Variants in PNPLA7 observed in about 807,000 individuals in gnomAD.
The protein encoded by PNPLA7 is patatin like domain 7, lysophospholipase.
PNPLA7 carries 153 observed loss-of-function variants against 161.7 expected under a neutral mutation model. The ratio of observed to expected loss-of-function variants is 0.95; its 90% CI spans 0.83 to 1.08. The LOEUF (loss-of-function observed/expected upper bound fraction) is 1.08. Among genes scored for constraint, PNPLA7 ranks in the 50% least tolerant of loss-of-function variants. PNPLA7 has a pLI of 0.00. For synonymous variants in PNPLA7, 809 were observed against 782.1 expected (o/e 1.03, Z -0.57); for missense variants, 1,739 against 1,856.6 (o/e 0.94, Z 1.16).
chr9:137,531,331 G>A (rs1299700070), intron 8 of PNPLA7, among the ~76,000 whole-genome samples: 1 of 152,178 alleles, frequency 6.6e-6, no homozygotes, highest in Non-Finnish European at 1.5e-5. Flanking sequence ...TAACAACTTA[G>A]CAGCTGTTGC....
At chr9:137,465,955 G>T (rs1218061977) in intron 26 of PNPLA7, among the ~76,000 whole-genome samples, 1 of 152,088 alleles carries the variant, frequency 6.6e-6, no homozygotes, top group Non-Finnish European at 1.5e-5. Context: ...TTCTGTATTT[G>T]GTATTCTGAT....
At position 137,500,947 on chromosome 9, in the gene PNPLA7, G is replaced by A. The variant is rs758073033; in HGVS notation, c.1552-51C>T. 274 of 1,505,616 alleles carry A rather than the reference G, an allele frequency of 1.8e-4. 1 individual carries two copies. Among genetic ancestry groups the A allele is most frequent in the Non-Finnish European group, 2.3e-4 (255 of 1,122,158 alleles). 93.3% of individuals were successfully genotyped at this position (1,505,616 alleles called of 1,614,324 possible). ...CGCCGCGAGTGGCCGCGGGCAGGACGGGGGCAGCTCTGGGCCCAGAGCGGA... is the reference window on the plus strand; with the variant it reads ...CGCCGCGAGTGGCCGCGGGCAGGACAGGGGCAGCTCTGGGCCCAGAGCGGA... On this transcript the variant is annotated intron_variant, in intron 15 of 34. Coordinates refer to ENST00000406427, the MANE Select transcript of PNPLA7 (RefSeq NM_001098537.3). The surrounding 1 kb of genome is among the most constrained non-coding windows in gnomAD (Gnocchi z 5.5).
intron 12 of PNPLA7, among the ~76,000 whole-genome samples, chr9:137,508,026 T>C (rs1834011790): frequency 6.6e-6 from 1 of 151,592 alleles, no homozygotes; most frequent in Non-Finnish European, 1.5e-5. Context: ...GAGATCTCTA[T>C]CTACAAAAAT....
At chr9:137,487,393 C>T (rs1257127325) in intron 20 of PNPLA7, among the ~76,000 whole-genome samples, 1 of 152,232 alleles carries the variant, frequency 6.6e-6, no homozygotes, top group East Asian at 1.9e-4. Context: ...CCAAGTGTCG[C>T]CGTGGGGCTC....
At chr9:137,477,201 C>T (rs1831980133) in intron 25 of PNPLA7, among the ~76,000 whole-genome samples, 1 of 152,248 alleles carries the variant, frequency 6.6e-6, no homozygotes, top group African/African-American at 2.4e-5. Context: ...GCCTGTCCCA[C>T]CCTCCTCGTG....
rs761977335 is a variant in PNPLA7, at chr9:137,500,837, G to A, written c.1611C>T (p.Gly537=). The A allele has an allele frequency of 4.4e-5, 71 of 1,600,612 alleles. No individual in the cohort carries two copies. The highest frequency in any genetic ancestry group is 5.4e-5 in the Non-Finnish European group (64 of 1,175,548). ...GLLHVYQRKI[G]SQEDTCLFLT... is the part of the protein sequence containing the mutation. ...GGAACAAGCAGGTGTCCTCCTGGCT[G>A]CCGATCTTCCGCTGGTACACGTGCA... Residue 537 remains glycine (G), a synonymous_variant, in exon 16 of 35, where the codon GGC becomes GGT. Transcript: ENST00000406427. The surrounding 1 kb of genome is among the most constrained non-coding windows in gnomAD (Gnocchi z 5.5).
intron 17 of PNPLA7, 82 bp from the exon 18 acceptor site, chr9:137,497,392 A>T (rs1217343380): frequency 7.8e-7 from 1 of 1,280,582 alleles, no homozygotes; most frequent in Non-Finnish European, 1.0e-6. Context: ...AGACAGACTC[A>T]GGATGGAGAA....
intron 22 of PNPLA7, 62 bp downstream of exon 22, chr9:137,480,898 G>A (rs1413117453): frequency 7.4e-6 from 11 of 1,483,418 alleles, no homozygotes; most frequent in South Asian, 2.4e-5. Flanking sequence ...ACACAGTGGG[G>A]ACACATCTCA....
rs1836314812 is a variant in PNPLA7, at chr9:137,543,342, C to T, written c.506+90G>A. The T allele has an allele frequency of 6.5e-7, 1 of 1,549,188 alleles. No individual in the cohort carries two copies. Among genetic ancestry groups the T allele is most frequent in the African/African-American group, 1.4e-5 (1 of 73,314 alleles). ...TGCGCTTTGCCAACCATTCCCCCAACACAAGACGGCCAAGCTGGAGCCAGG... is the reference window on the plus strand; with the variant it reads ...TGCGCTTTGCCAACCATTCCCCCAATACAAGACGGCCAAGCTGGAGCCAGG... On this transcript the variant is annotated intron_variant, in intron 6 of 34. Coordinates refer to ENST00000406427, the MANE Select transcript of PNPLA7 (RefSeq NM_001098537.3). The surrounding 1 kb of genome is among the most constrained non-coding windows in gnomAD (Gnocchi z 6.9).
rs544245829 is a variant in PNPLA7 at position 137,499,779 on chromosome 9, C to T, written c.1757+912G>A. On this transcript the variant is annotated intron_variant, in intron 16 of 34. Transcript: ENST00000406427. This position sits in a 1 kb window ranked among gnomAD's most constrained non-coding sequence, Gnocchi z 5.5. ...CATTTGCTGGATTACAGGCGTGAGC[C>T]GCTGCACCCAGCCGACCTGTTTTCT... Among the ~76,000 whole-genome samples the T allele has an allele frequency of 3.9e-5, 6 of 152,242 alleles. No individual in the cohort carries two copies. Among genetic ancestry groups the T allele is most frequent in the Admixed American group, 2.6e-4 (4 of 15,290 alleles).
At chr9:137,498,352 G>T (rs1028198404) in intron 16 of PNPLA7, 107 bp from the exon 17 acceptor site, 1 of 1,491,726 alleles carries the variant, frequency 6.7e-7, no homozygotes, top group Non-Finnish European at 9.0e-7. Flanking sequence ...CACCCCACCC[G>T]GAAAGTAGAG....
Position 137,520,009 on chromosome 9 carries a change from C to T in PNPLA7, c.992G>A (p.Ser331Asn). 6.2e-7 allele frequency: 1 copy of T among 1,612,744 alleles called. No homozygotes were observed. Among genetic ancestry groups the T allele is most frequent in the Non-Finnish European group, 8.5e-7 (1 of 1,179,924 alleles). Residue 331 changes from serine to asparagine, a missense_variant, in exon 11 of 35, where the codon AGT (serine) becomes AAT (asparagine). By Grantham distance (46) the Ser-to-Asn change is conservative (BLOSUM62 1). Around this residue, in one of 6 missense-constraint regions of PNPLA7, gnomAD observed 152 missense variants for 193.5 expected, o/e 0.79. Coordinates refer to ENST00000406427, the MANE Select transcript of PNPLA7 (RefSeq NM_001098537.3). This position sits in a 1 kb window ranked among gnomAD's most constrained non-coding sequence, Gnocchi z 5.2. ...SQAIPLVSVA[S>N]VAAGKAKKQV... ...CTTCTTGGCCTTCCCGGCAGCCACA[C>T]TGGCTACAGACACGAGAGGGATGGC...
At chr9:137,504,926 C>T (rs995615529) in intron 14 of PNPLA7, among the ~76,000 whole-genome samples, 15 of 152,174 alleles carry the variant, frequency 9.9e-5, no homozygotes, top group Non-Finnish European at 1.8e-4. Flanking sequence ...CCGTGGCTCA[C>T]GCCTGTAATC....
At position 137,461,564 on chromosome 9, in the gene PNPLA7, A is replaced by C. The variant is rs1263756107; in HGVS notation, c.3813T>G (p.Ile1271Met). ...CCACCATGGCGGGCTTGGCGGGCTC[A>C]ATGCGAGACACAATTTCGGCAAGGT... ...FTDLAEIVSRIEPAKPAMVDD... is the reference protein window; with the variant it reads ...FTDLAEIVSRMEPAKPAMVDD... Residue 1271 changes from isoleucine to methionine, a missense_variant, in exon 33 of 35, where the codon ATT becomes ATG. Ile to Met is a conservative substitution (Grantham distance 10). Around this residue, in one of 6 missense-constraint regions of PNPLA7, gnomAD observed 703 missense variants for 694.6 expected, o/e 1.01. Transcript: ENST00000406427. The C allele has an allele frequency of 2.5e-6, 4 of 1,612,636 alleles. No homozygotes were observed. The highest frequency in any genetic ancestry group is 3.4e-6 in the Non-Finnish European group (4 of 1,179,582).
chr9:137,488,224 A>G (rs1832591729), intron 20 of PNPLA7, among the ~76,000 whole-genome samples: 1 of 152,014 alleles, frequency 6.6e-6, no homozygotes, highest in African/African-American at 2.4e-5. Context: ...TCGCGGTCTG[A>G]TGTCTCGTCC....
At position 137,505,814 on chromosome 9, in the gene PNPLA7, G is replaced by C; in HGVS notation, c.1327-54C>G. 5 of 1,600,972 alleles carry C rather than the reference G, an allele frequency of 3.1e-6. No individual in the cohort carries two copies. The South Asian group carries it at 3.3e-5, about 11-fold the overall frequency. On this transcript the variant is annotated intron_variant, in intron 13 of 34. Transcript: ENST00000406427. ...CGAAGGGATGTGGTTGGGGAACATC[G>C]CACAAGGGTGTGGTCAGGTCTGAAT...
At chr9:137,546,742 C>G (rs1178844597) in intron 4 of PNPLA7, 88 bp downstream of exon 4, 6 of 1,271,564 alleles carry the variant, frequency 4.7e-6, no homozygotes, top group Non-Finnish European at 6.8e-6. Flanking sequence ...ACTGCCCAGC[C>G]TGGGGGAGCC....
chr9:137,471,524 G>C (rs376464142), intron 25 of PNPLA7, among the ~76,000 whole-genome samples: 9 of 151,320 alleles, frequency 5.9e-5, no homozygotes, highest in Admixed American at 4.6e-4. Flanking sequence ...CTTGAACCCG[G>C]GAGGTGGAAA....
At chr9:137,480,788 A>G (rs903719585) in intron 22 of PNPLA7, 172 bp downstream of exon 22, 1 of 830,910 alleles carries the variant, frequency 1.2e-6, no homozygotes, top group Non-Finnish European at 1.9e-6. Context: ...CCAGCAGGTC[A>G]GCGCTGCCCA....
Sources: allele counts gnomAD v4.1 joint callset (sites outside exome capture counted in the v4.1 genomes callset), GRCh38; gene constraint gnomAD v4.1.1; regional missense constraint gnomAD v4.1.1; non-coding constraint Gnocchi (gnomAD v3.1); transcripts MANE v1.5; gene names NCBI Gene and HGNC (gene_info 2026-07-23, HGNC 2026-07-21).